The following CCT6B variants were observed in gnomAD, a reference collection of about 807,000 sequenced individuals.
CCT6B encodes the protein chaperonin containing TCP1 subunit 6B.
In CCT6B, 49 loss-of-function variants were observed where a neutral mutation model predicts 61.5. The ratio of observed to expected loss-of-function variants is 0.80; its 90% CI spans 0.63 to 1.01. The LOEUF is 1.01. Among genes scored for constraint, CCT6B ranks in the 50% least tolerant of loss-of-function variants. The pLI is 0.00. For missense variants in CCT6B, 666 were observed against 634.7 expected, an observed-to-expected ratio of 1.05 and a Z score of -0.53; for synonymous variants, 228 against 214.5, an observed-to-expected ratio of 1.06 and a Z score of -0.55.
At chr17:34,936,267 A>G (rs1184727151) in intron 10 of CCT6B, among the ~76,000 whole-genome samples, 1 of 152,150 alleles carries the variant, frequency 6.6e-6, no homozygotes, top group Non-Finnish European at 1.5e-5. Flanking sequence ...ATTCTTGATT[A>G]AAAACTGTCA....
chr17:34,937,867 A>C (rs908799766), intron 10 of CCT6B, among the ~76,000 whole-genome samples: 1 of 150,680 alleles, frequency 6.6e-6, no homozygotes, highest in African/African-American at 2.4e-5. Context: ...TACTAACACA[A>C]ATTTTTTTCT....
chr17:34,934,829 G>C (rs1225430087), intron 10 of CCT6B, among the ~76,000 whole-genome samples: 1 of 152,102 alleles, frequency 6.6e-6, no homozygotes, highest in African/African-American at 2.4e-5. Context: ...TATGAGTACA[G>C]CATTGTTCTA....
At chr17:34,949,408 C>G (rs535282973) in intron 5 of CCT6B, 1 of 147,914 alleles carries the variant, frequency 6.8e-6, no homozygotes, top group South Asian at 2.2e-4. Flanking sequence ...TGCGGTGAGT[C>G]GAGATCACAC....
At chr17:34,939,095 A>C (rs937402166) in intron 10 of CCT6B, 88 bp downstream of exon 10, 1 of 1,102,820 alleles carries the variant, frequency 9.1e-7, no homozygotes, top group Non-Finnish European at 1.3e-6. Flanking sequence ...AAATATACAT[A>C]TATACATACA....
chr17:34,940,584 T>C lies in CCT6B; in HGVS notation c.923A>G (p.His308Arg). 8.2e-6 allele frequency: 13 copies of C among 1,581,184 alleles called. No individual in the cohort carries two copies. The highest frequency in any genetic ancestry group is 1.1e-5 in the Non-Finnish European group (13 of 1,161,774). The part of the protein sequence containing the change: ...DPFSLDSLAK[H>R]GIVALRRAKR... ...TGCTCTGCGAAGAGCTACTATTCCA[T>C]GTTTTGCAAGAGAATCTAAGGAAAA... The change falls in exon 8 of 14, where the codon CAT (histidine) becomes CGT (arginine). Residue 308 changes from histidine to arginine, a missense_variant. By Grantham distance (29) the His-to-Arg change is conservative. Transcript: ENST00000314144.
intron 3 of CCT6B, among the ~76,000 whole-genome samples, chr17:34,956,149 T>C (rs899524590): frequency 1.8e-4 from 28 of 152,212 alleles, no homozygotes; most frequent in Admixed American, 1.6e-3. Flanking sequence ...GCATACTACA[T>C]GCCCTCTGAT....
rs1012085032 is a variant in CCT6B, at chr17:34,928,853, C to T, written c.1523+109G>A. On this transcript the variant is annotated intron_variant, in intron 13 of 13. Transcript: ENST00000314144. Reference sequence around the variant, plus strand: ...AACTGAATACCACACCTTTCATACACTTGACAATTTTTCCACTGTACAGGG... The same window carrying T: ...AACTGAATACCACACCTTTCATACATTTGACAATTTTTCCACTGTACAGGG... 17 of 603,896 alleles carry T rather than the reference C, an allele frequency of 2.8e-5. No individual in the cohort carries two copies. In the South Asian group the frequency reaches 3.3e-4, roughly 12 times the overall value. The allele number at this position is 603,896 out of a possible 1,614,324, so 37.4% of individuals were successfully genotyped here.
chr17:34,958,737 A>G, intron 2 of CCT6B, 43 bp from the exon 3 acceptor site: 1 of 1,519,724 alleles, frequency 6.6e-7, no homozygotes, highest in Non-Finnish European at 8.9e-7. Flanking sequence ...AGGATGAGAT[A>G]AGGAAGTAGG....
chr17:34,937,516 T>G (rs529571591), intron 10 of CCT6B, among the ~76,000 whole-genome samples: 1 of 152,220 alleles, frequency 6.6e-6, no homozygotes, highest in South Asian at 2.1e-4. Context: ...CTGATACCTT[T>G]ATATGAAAAA....
Position 34,954,447 on chromosome 17 carries a change from T to C in CCT6B, c.489A>G (p.Glu163=). The C allele has an allele frequency of 6.2e-7, 1 of 1,609,760 alleles. No homozygotes were observed. Among genetic ancestry groups the C allele is most frequent in the Non-Finnish European group, 8.5e-7 (1 of 1,178,600 alleles). ...RTSLQTKVHA[E]LADVLTEVVV... is the part of the protein sequence containing the mutation. ...ATACCTCTGTTAAGACATCAGCCAGTTCAGCATGAACTTTAGTTTGTAATG... is the reference window on the plus strand; with the variant it reads ...ATACCTCTGTTAAGACATCAGCCAGCTCAGCATGAACTTTAGTTTGTAATG... Residue 163 remains glutamate, a synonymous_variant, in exon 4 of 14, where the codon GAA becomes GAG. Transcript: ENST00000314144.
At chr17:34,942,341 G>T in intron 7 of CCT6B, 143 bp downstream of exon 7, 1 of 612,734 alleles carries the variant, frequency 1.6e-6, no homozygotes, top group Non-Finnish European at 2.8e-6. Context: ...AATGTAAAAG[G>T]TGTAATTATT....
In CCT6B at chr17:34,961,122, C is replaced by A. The variant is rs571514135; in HGVS notation, c.137+135G>T. On this transcript the variant is annotated intron_variant, in intron 1 of 13. Transcript: ENST00000314144. ...CACCTGCACCAGGCGAGAAATACCCCCAGAGCAGGGATGAGAATGAGGGAA... is the reference window on the plus strand; with the variant it reads ...CACCTGCACCAGGCGAGAAATACCCACAGAGCAGGGATGAGAATGAGGGAA... The A allele has an allele frequency of 2.2e-4, 247 of 1,141,464 alleles. 1 individual carries two copies. The African/African-American group carries it at 3.2e-3, about 15-fold the overall frequency. 70.7% of individuals were successfully genotyped at this position (1,141,464 alleles called of 1,614,324 possible).
At chr17:34,939,778 G>T (rs541137260) in intron 8 of CCT6B, 65 bp from the exon 9 acceptor site, 10 of 1,000,378 alleles carry the variant, frequency 1.0e-5, no homozygotes, top group Non-Finnish European at 1.4e-5. Context: ...TTCTCAGAGA[G>T]AAGATATCTA....
rs571640263 is a variant in CCT6B, at chr17:34,946,189, C to T, written c.615-3283G>A. Among the ~76,000 whole-genome samples the T allele has an allele frequency of 8.5e-4, 129 of 152,202 alleles. 1 individual carries two copies. Among genetic ancestry groups the T allele is most frequent in the African/African-American group, 2.8e-3 (115 of 41,530 alleles). On this transcript the variant is annotated intron_variant, in intron 5 of 13. Coordinates refer to ENST00000314144, the MANE Select transcript of CCT6B (RefSeq NM_006584.4). ...AGCTGTGAATTTAATTTAAATTAGT[C>T]CCTAGGGAGGCAACAAATGCAAATC...
rs371180017 is a variant in CCT6B at position 34,952,012 on chromosome 17, G to T, written c.552C>A (p.Tyr184Ter). ...TTTCTACCATGAAGAGATCAATAGGGTAACCTGGTCTTCTAACAGCCAAAA... is the reference window on the plus strand; with the variant it reads ...TTTCTACCATGAAGAGATCAATAGGTTAACCTGGTCTTCTAACAGCCAAAA... The part of the protein sequence containing the change: ...DSVLAVRRPG[Y>*]PIDLFMVEIM... The change falls in exon 5 of 14, where the codon TAC becomes TAA. Residue 184 changes from tyrosine to a stop codon, truncating the protein, a stop_gained. Transcript: ENST00000314144. LOFTEE classifies it high-confidence loss of function. 4 of 1,609,594 alleles carry T rather than the reference G, an allele frequency of 2.5e-6. No individual in the cohort carries two copies. The African/African-American group carries it at 5.3e-5, about 22-fold the overall frequency.
intron 11 of CCT6B, among the ~76,000 whole-genome samples, chr17:34,931,631 C>A (rs2090037663): frequency 6.6e-6 from 1 of 152,124 alleles, no homozygotes; most frequent in South Asian, 2.1e-4. Flanking sequence ...CAATTTCTGT[C>A]AGCAGCAGGA....
At position 34,937,946 on chromosome 17, in the gene CCT6B, T is replaced by C. The variant is rs142549096; in HGVS notation, c.1213+1237A>G. Among the ~76,000 whole-genome samples the C allele has an allele frequency of 5.4e-3, 823 of 151,780 alleles. 6 individuals are homozygous for C. Among genetic ancestry groups the C allele is most frequent in the African/African-American group, 0.019 (786 of 41,358 alleles). ...CTCTGACGCCCAGGCTGGAGTGCAG[T>C]GGTGTGATCATAGCTCACTGTAACC... On this transcript the variant is annotated intron_variant, in intron 10 of 13. Coordinates refer to ENST00000314144, the MANE Select transcript of CCT6B (RefSeq NM_006584.4).
At chr17:34,928,803 T>C (rs1420189008) in intron 13 of CCT6B, among the ~76,000 whole-genome samples, 159 bp downstream of exon 13, 2 of 152,212 alleles carry the variant, frequency 1.3e-5, no homozygotes, top group African/African-American at 4.8e-5. Context: ...CTATGGACTA[T>C]AAAATGACAG....
rs2090372620 is a variant in CCT6B at position 34,958,420 on chromosome 17, G to A, written c.336+140C>T. 8 of 442,496 alleles carry A rather than the reference G, an allele frequency of 1.8e-5. No individual in the cohort carries two copies. In the South Asian group the frequency reaches 5.0e-4, roughly 27 times the overall value. 27.4% of individuals were successfully genotyped at this position (442,496 alleles called of 1,614,324 possible). On this transcript the variant is annotated intron_variant, in intron 3 of 13. Coordinates refer to ENST00000314144, the MANE Select transcript of CCT6B (RefSeq NM_006584.4). ...GATTCTGCCACTGCACTCCAGCCTG[G>A]GCGACACAGTGAGACTCCATCTCAA... is the stretch of plus-strand genomic sequence containing the variant.
Sources: gnomAD v4.1 joint callset for allele counts (sites outside exome capture counted in the v4.1 genomes callset) on GRCh38, gnomAD v4.1.1 for gene constraint, MANE v1.5 for transcripts, NCBI Gene and HGNC (gene_info 2026-07-23, HGNC 2026-07-21) for gene names.